The following COLEC12 variants were observed in gnomAD, a reference collection of about 807,000 sequenced individuals.
COLEC12 encodes collectin-12.
A neutral mutation model predicts 71.1 loss-of-function variants in COLEC12; 33 were observed. That is an observed-to-expected ratio of 0.46 (90% CI 0.35 to 0.62). COLEC12 has a LOEUF of 0.62. Among genes scored for constraint, COLEC12 ranks in the 20% least tolerant of loss-of-function variants. The pLI is 0.00. For synonymous variants in COLEC12, 350 were observed against 353.0 expected, an observed-to-expected ratio of 0.99 and a Z score of 0.10; for missense variants, 765 against 916.1, an observed-to-expected ratio of 0.84 and a Z score of 2.13.
intron 2 of COLEC12, among the ~76,000 whole-genome samples, chr18:394,953 G>A (rs1915538850): frequency 6.6e-6 from 1 of 152,206 alleles, no homozygotes; most frequent in Non-Finnish European, 1.5e-5. Context: ...AAAACACCTG[G>A]TATTGAAGTC....
intron 2 of COLEC12, among the ~76,000 whole-genome samples, chr18:473,161 C>T (rs185974630): frequency 6.6e-6 from 1 of 152,112 alleles, no homozygotes; most frequent in Admixed American, 6.6e-5. Flanking sequence ...CTGTCTCACT[C>T]GAAAGACTTG....
intron 2 of COLEC12, among the ~76,000 whole-genome samples, chr18:471,950 A>G (rs939593036): frequency 6.6e-6 from 1 of 152,166 alleles, no homozygotes; most frequent in Non-Finnish European, 1.5e-5. Flanking sequence ...TTGCCTCTAA[A>G]AAAAAGGCAC....
intron 2 of COLEC12, among the ~76,000 whole-genome samples, chr18:395,870 T>C (rs1915560541): frequency 6.6e-6 from 1 of 152,198 alleles, no homozygotes; most frequent in Admixed American, 6.5e-5. Flanking sequence ...ATCTGCTTGC[T>C]ATCAGCATTT....
chr18:479,196 G>C (rs1166943193), intron 2 of COLEC12, among the ~76,000 whole-genome samples: 1 of 151,942 alleles, frequency 6.6e-6, no homozygotes, highest in Non-Finnish European at 1.5e-5. Flanking sequence ...GCTGCCTTCA[G>C]TGCGTCCCCC....
intron 2 of COLEC12, among the ~76,000 whole-genome samples, chr18:371,157 G>A (rs1010703809): frequency 1.9e-4 from 29 of 152,224 alleles, no homozygotes; most frequent in African/African-American, 6.3e-4. Context: ...TACAGTACTT[G>A]GGGGAAACAA....
At chr18:349,169 G>T (rs746536404) in intron 3 of COLEC12, among the ~76,000 whole-genome samples, 1 of 152,202 alleles carries the variant, frequency 6.6e-6, no homozygotes, top group Non-Finnish European at 1.5e-5. Context: ...TGGAGGCCCA[G>T]GAGAAAATGG....
At chr18:493,420 A>G (rs1415623187) in intron 1 of COLEC12, among the ~76,000 whole-genome samples, 1 of 152,226 alleles carries the variant, frequency 6.6e-6, no homozygotes, top group African/African-American at 2.4e-5. Context: ...TTAATGTAAT[A>G]TGAAATATAA....
chr18:436,253 G>A (rs1916400714), intron 2 of COLEC12, among the ~76,000 whole-genome samples: 4 of 152,200 alleles, frequency 2.6e-5, no homozygotes, highest in African/African-American at 4.8e-5. Context: ...GCTCACGCCT[G>A]TAATCCCAAC....
chr18:353,136 C>G (rs2143491504), intron 3 of COLEC12, among the ~76,000 whole-genome samples: 1 of 152,324 alleles, frequency 6.6e-6, no homozygotes, highest in Middle Eastern at 3.4e-3. Context: ...CTTCCCTCGT[C>G]TTGACTCCAC....
At position 374,472 on chromosome 18, in the gene COLEC12, C is replaced by T. The variant is rs555266114; in HGVS notation, c.59-16950G>A. On this transcript the variant is annotated intron_variant, in intron 2 of 9. Transcript: ENST00000400256. The stretch of plus-strand genomic sequence containing the variant: ...CCACATGGAAACTATGACCTCGCCC[C>T]TGAAAATCACCCACAGGCATATGTT... Among the ~76,000 whole-genome samples, 3 of 152,260 alleles carry T rather than the reference C, an allele frequency of 2.0e-5. 1 individual carries two copies. In the South Asian group the frequency reaches 6.2e-4, roughly 32 times the overall value.
At chr18:384,079 A>AT (rs1210453912) in intron 2 of COLEC12, among the ~76,000 whole-genome samples, 1 of 152,162 alleles carries the variant, frequency 6.6e-6, no homozygotes, top group Non-Finnish European at 1.5e-5. Context: ...GGGAGCTACA[A>AT]TTCAAGATGA....
intron 1 of COLEC12, among the ~76,000 whole-genome samples, chr18:485,350 A>G (rs931415271): frequency 6.6e-6 from 1 of 152,214 alleles, no homozygotes; most frequent in Non-Finnish European, 1.5e-5. Flanking sequence ...TTAAGATTTA[A>G]GACCTCTAAG....
chr18:367,069 T>C (rs967081572), intron 2 of COLEC12, among the ~76,000 whole-genome samples: 1 of 152,088 alleles, frequency 6.6e-6, no homozygotes, highest in African/African-American at 2.4e-5. Flanking sequence ...ATTTCTCCAT[T>C]TTGTGGGTCT....
rs932717225 is a variant in COLEC12 at position 362,588 on chromosome 18, G to C, written c.59-5066C>G. ...GGGACTTTGTTCCCATGGCGGGGTG[G>C]GGGTGGGCAGGGAAGGAAGGGCTGG... On this transcript the variant is annotated intron_variant, in intron 2 of 9. Coordinates refer to ENST00000400256, the MANE Select transcript of COLEC12 (RefSeq NM_130386.3). The surrounding 1 kb of genome is among the most constrained non-coding windows in gnomAD (Gnocchi z 4.6). Among the ~76,000 whole-genome samples the C allele has an allele frequency of 3.3e-5, 5 of 152,098 alleles. No individual in the cohort carries two copies. Among genetic ancestry groups the C allele is most frequent in the Non-Finnish European group, 5.9e-5 (4 of 68,036 alleles).
rs75486160 is a variant in COLEC12 at position 341,151 on chromosome 18, T to C, written c.1327+5144A>G. ...CAATCCCTATTGAAACTTTAACCAA[T>C]TGCTCTGCTGTCAGTAAACTCTCTG... On this transcript the variant is annotated intron_variant, in intron 5 of 9. Coordinates refer to ENST00000400256, the MANE Select transcript of COLEC12 (RefSeq NM_130386.3). 2.9e-3 allele frequency among the ~76,000 whole-genome samples: 440 copies of C among 152,294 alleles called. 2 individuals are homozygous for C. The highest frequency in any genetic ancestry group is 7.1e-3 in the East Asian group (37 of 5,184).
At chr18:434,831 C>T (rs921532627) in intron 2 of COLEC12, among the ~76,000 whole-genome samples, 4 of 152,190 alleles carry the variant, frequency 2.6e-5, no homozygotes, top group Non-Finnish European at 4.4e-5. Flanking sequence ...CAATGCACCC[C>T]TCTGATTTTA....
intron 2 of COLEC12, among the ~76,000 whole-genome samples, chr18:390,458 A>G (rs1181147455): frequency 1.3e-5 from 2 of 152,146 alleles, no homozygotes. Context: ...TTCTGTGTTA[A>G]AAGATTAAAA....
chr18:353,799 A>G (rs971914951), intron 3 of COLEC12, among the ~76,000 whole-genome samples: 2 of 152,212 alleles, frequency 1.3e-5, no homozygotes, highest in African/African-American at 4.8e-5. Flanking sequence ...GGAATTTAAT[A>G]AAGGCATTTC....
In COLEC12 at chr18:399,554, C is replaced by T. The variant is rs1382388340; in HGVS notation, c.59-42032G>A. On this transcript the variant is annotated intron_variant, in intron 2 of 9. Transcript: ENST00000400256. This position sits in a 1 kb window ranked among gnomAD's most constrained non-coding sequence, Gnocchi z 4.0. ...CTAAGTGTCAGGCCCTGGGGATATG[C>T]TGGGGAATGGAGCACAGATGGTCTC... Among the ~76,000 whole-genome samples the T allele has an allele frequency of 6.6e-6, 1 of 152,180 alleles. No individual in the cohort carries two copies. The highest frequency in any genetic ancestry group is 1.5e-5 in the Non-Finnish European group (1 of 68,030).
Sources: gnomAD v4.1 joint callset for allele counts (sites outside exome capture counted in the v4.1 genomes callset) on GRCh38, gnomAD v4.1.1 for gene constraint, Gnocchi (gnomAD v3.1) non-coding constraint, MANE v1.5 for transcripts, NCBI Gene and HGNC (gene_info 2026-07-23, HGNC 2026-07-21) for gene names.